Variants in MAGI2 observed in about 807,000 individuals in gnomAD.
MAGI2 encodes membrane associated guanylate kinase, WW and PDZ domain containing 2.
MAGI2 carries 35 observed loss-of-function variants against 133.3 expected under a neutral mutation model. The ratio of observed to expected loss-of-function variants is 0.26; its 90% CI spans 0.20 to 0.35. The LOEUF (loss-of-function observed/expected upper bound fraction) is 0.35. Ranked by LOEUF, MAGI2 falls within the 10% of genes least tolerant of loss-of-function variation. The probability of loss-of-function intolerance (pLI) is 1.00; values close to 1 mark genes in which losing one functional copy is unlikely to be tolerated. For synonymous variants in MAGI2, 729 were observed against 710.6 expected, an observed-to-expected ratio of 1.03 and a Z score of -0.41; for missense variants, 1,636 against 1,863.4, an observed-to-expected ratio of 0.88 and a Z score of 2.25.
chr7:78,115,307 A>G (rs1335681404), intron 20 of MAGI2, among the ~76,000 whole-genome samples: 2 of 152,230 alleles, frequency 1.3e-5, no homozygotes, highest in African/African-American at 4.8e-5. Context: ...TGAAAAAATA[A>G]AAAGGGTAAG....
intron 1 of MAGI2, among the ~76,000 whole-genome samples, chr7:79,360,541 C>T (rs940051071): frequency 6.6e-6 from 1 of 151,874 alleles, no homozygotes; most frequent in Non-Finnish European, 1.5e-5. Flanking sequence ...AATTATAACA[C>T]TATATGACTC....
chr7:79,260,417 C>G (rs1251558485), intron 1 of MAGI2, among the ~76,000 whole-genome samples: 1 of 151,002 alleles, frequency 6.6e-6, no homozygotes, highest in Non-Finnish European at 1.5e-5. Flanking sequence ...CATACATACA[C>G]TACATTTATG....
chr7:78,552,926 G>GCC (rs201457342), intron 3 of MAGI2, among the ~76,000 whole-genome samples: 1 of 151,870 alleles, frequency 6.6e-6, no homozygotes, highest in African/African-American at 2.4e-5. Context: ...AGAACAAATT[G>GCC]CCCCCCCAAG....
At chr7:78,935,975 T>G (rs1327148071) in intron 2 of MAGI2, among the ~76,000 whole-genome samples, 2 of 152,138 alleles carry the variant, frequency 1.3e-5, no homozygotes, top group African/African-American at 4.8e-5. Context: ...CTTTTCTAGA[T>G]GTAATTTTTT....
intron 21 of MAGI2, among the ~76,000 whole-genome samples, chr7:78,068,267 C>T (rs1814058016): frequency 2.0e-5 from 3 of 152,202 alleles, no homozygotes; most frequent in Admixed American, 2.0e-4. Context: ...TGCCACTGAT[C>T]TGACAGGAGG....
chr7:79,245,281 T>C (rs1264374272), intron 1 of MAGI2, among the ~76,000 whole-genome samples: 3 of 152,204 alleles, frequency 2.0e-5, no homozygotes, highest in African/African-American at 7.2e-5. Flanking sequence ...TCTGTCAGCA[T>C]AGGTACTAAC....
rs1820982611 is a variant in MAGI2 at position 79,132,046 on chromosome 7, T to G, written c.302-124840A>C. Among the ~76,000 whole-genome samples the G allele has an allele frequency of 2.0e-5, 3 of 152,152 alleles. No homozygotes were observed. The South Asian group carries it at 6.2e-4, about 32-fold the overall frequency. On this transcript the variant is annotated intron_variant, in intron 1 of 21. Coordinates refer to ENST00000354212, the MANE Select transcript of MAGI2 (RefSeq NM_012301.4). The stretch of plus-strand genomic sequence containing the variant: ...AACAAAGTTACAAAATAAATACAAA[T>G]AATACTTTAAAACCCAATACAATTC...
At chr7:78,955,769 C>CTTTCTTTCT (rs1554310424) in intron 2 of MAGI2, among the ~76,000 whole-genome samples, 17,690 of 116,590 alleles carry the variant, frequency 0.15, 1,784 homozygotes, top group East Asian at 0.17. Context: ...TTCTTTCTTT[C>CTTTCTTTCT]TTTCTTTCTT....
Position 78,882,086 on chromosome 7 carries a change from C to CAAAAAAAAAAAAAAAAAA in MAGI2, c.418+124986_418+125003dup, listed in dbSNP as rs771918590. Among the ~76,000 whole-genome samples, 16 of 12,464 alleles carry CAAAAAAAAAAAAAAAAAA rather than the reference C, an allele frequency of 1.3e-3. 1 individual carries two copies. The highest frequency in any genetic ancestry group is 1.5e-3 in the Non-Finnish European group (11 of 7,316). 8.2% of individuals were successfully genotyped at this position (12,464 alleles called of 152,430 possible). A position where few individuals can be genotyped will look rare whatever the true frequency, so the allele number is the denominator to read the frequency against. On this transcript the variant is annotated intron_variant, in intron 2 of 21. Transcript: ENST00000354212. Reference sequence around the variant, plus strand: ...GCTAGATTAACAACAACAACAACAACAAAAAAAAAAAAAAAAAAAAAAGAA... The same window carrying CAAAAAAAAAAAAAAAAAA: ...GCTAGATTAACAACAACAACAACAACAAAAAAAAAAAAAAAAAAAAAAAAAAAAAAAAAAAAAAAAGAA...
intron 20 of MAGI2, among the ~76,000 whole-genome samples, chr7:78,085,465 G>A (rs760830478): frequency 6.6e-6 from 1 of 151,910 alleles, no homozygotes; most frequent in South Asian, 2.1e-4. Context: ...CGAGGCTGCA[G>A]TGAGCCATGA....
intron 10 of MAGI2, among the ~76,000 whole-genome samples, chr7:78,236,284 C>T (rs563410408): frequency 7.8e-4 from 118 of 152,138 alleles, no homozygotes; most frequent in Non-Finnish European, 1.1e-3. Flanking sequence ...CAAAGAGAAT[C>T]GAATGATGAT....
chr7:78,644,703 G>A (rs1239233284), intron 2 of MAGI2, among the ~76,000 whole-genome samples: 1 of 152,174 alleles, frequency 6.6e-6, no homozygotes, highest in South Asian at 2.1e-4. Context: ...ACGCAGAAAG[G>A]TCTCAAATCA....
intron 1 of MAGI2, among the ~76,000 whole-genome samples, chr7:79,081,335 A>C (rs1219532029): frequency 2.6e-5 from 4 of 152,148 alleles, no homozygotes; most frequent in African/African-American, 9.6e-5. Flanking sequence ...CCTAGGAGGG[A>C]TTTTATTTGC....
intron 2 of MAGI2, among the ~76,000 whole-genome samples, chr7:78,954,081 C>A (rs1041675278): frequency 2.6e-5 from 4 of 152,026 alleles, no homozygotes; most frequent in Non-Finnish European, 5.9e-5. Flanking sequence ...ATTTTCATTT[C>A]AGTTTAAGGT....
intron 3 of MAGI2, among the ~76,000 whole-genome samples, chr7:78,572,283 T>C (rs969594689): frequency 6.6e-6 from 1 of 152,282 alleles, no homozygotes; most frequent in East Asian, 1.9e-4. Context: ...GTTTGTGATA[T>C]CCTTTAAGTC....
In MAGI2 at chr7:78,281,639, T is replaced by G. The variant is rs192893599; in HGVS notation, c.1409-25058A>C. Among the ~76,000 whole-genome samples, 7 of 150,832 alleles carry G rather than the reference T, an allele frequency of 4.6e-5. No homozygotes were observed. In the East Asian group the frequency reaches 1.4e-3, roughly 30 times the overall value. On this transcript the variant is annotated intron_variant, in intron 9 of 21. Transcript: ENST00000354212. ...AAAATGGACTAATACACATACATACTCTCTCATTCTAAATACAGTCACAAG... is the reference window on the plus strand; with the variant it reads ...AAAATGGACTAATACACATACATACGCTCTCATTCTAAATACAGTCACAAG...
chr7:78,234,977 T>A (rs12705354), intron 10 of MAGI2, among the ~76,000 whole-genome samples: 44,417 of 152,056 alleles, frequency 0.29, 7,557 homozygotes, highest in Non-Finnish European at 0.37. Context: ...GATTTTTTTT[T>A]AATTTAAGTT....
chr7:79,216,318 C>T (rs900650387), intron 1 of MAGI2, among the ~76,000 whole-genome samples: 1 of 151,946 alleles, frequency 6.6e-6, no homozygotes, highest in Non-Finnish European at 1.5e-5. Flanking sequence ...GCCACCTCCA[C>T]CACTCAATCA....
At chr7:78,679,767 A>G (rs1815446722) in intron 2 of MAGI2, among the ~76,000 whole-genome samples, 2 of 152,150 alleles carry the variant, frequency 1.3e-5, no homozygotes, top group South Asian at 4.1e-4. Context: ...GGCAATACCA[A>G]TGAAGGGAAA....
Sources: gnomAD v4.1 joint callset for allele counts (sites outside exome capture counted in the v4.1 genomes callset) on GRCh38, gnomAD v4.1.1 for gene constraint, MANE v1.5 for transcripts, NCBI Gene and HGNC (gene_info 2026-07-23, HGNC 2026-07-21) for gene names.